Variants in PELI2 observed in about 807,000 individuals in gnomAD.
PELI2 encodes the protein E3 ubiquitin-protein ligase pellino homolog 2.
A neutral mutation model predicts 42.3 loss-of-function variants in PELI2; 23 were observed. The observed-to-expected ratio is 0.54, with a 90% CI of 0.39 to 0.77. The LOEUF is 0.77. Ranked by LOEUF, PELI2 falls within the 30% of genes least tolerant of loss-of-function variation. The pLI, the probability that PELI2 is intolerant of heterozygous loss-of-function variation, is 0.00. For synonymous variants in PELI2, 245 were observed against 212.2 expected, an observed-to-expected ratio of 1.15 and a Z score of -1.34; for missense variants, 463 against 553.2, an observed-to-expected ratio of 0.84 and a Z score of 1.64.
At chr14:56,181,947 C>T (rs962296103) in intron 2 of PELI2, among the ~76,000 whole-genome samples, 1 of 152,216 alleles carries the variant, frequency 6.6e-6, no homozygotes, top group South Asian at 2.1e-4. Flanking sequence ...AATTTATTCA[C>T]CCATCCATTT....
chr14:56,152,301 TG>T (rs1485759729), intron 1 of PELI2, among the ~76,000 whole-genome samples: 1 of 152,144 alleles, frequency 6.6e-6, no homozygotes, highest in Non-Finnish European at 1.5e-5. Flanking sequence ...ATTCATAAAA[TG>T]GGGGTAATAG....
In PELI2 at chr14:56,284,335, TA is replaced by T. The variant is rs374150566; in HGVS notation, c.310-4101del. Among the ~76,000 whole-genome samples, 652 of 151,514 alleles carry T rather than the reference TA, an allele frequency of 4.3e-3. 5 individuals are homozygous for T. Among genetic ancestry groups the T allele is most frequent in the African/African-American group, 0.015 (603 of 41,280 alleles). On this transcript the variant is annotated intron_variant, in intron 3 of 5. Coordinates refer to ENST00000267460, the MANE Select transcript of PELI2 (RefSeq NM_021255.3). ...AGAAAGTGAAACATAAAAGAGAAAATAGTTAATGGAAGGAATTAGAGGGGTG... is the reference window on the plus strand; with the variant it reads ...AGAAAGTGAAACATAAAAGAGAAAATGTTAATGGAAGGAATTAGAGGGGTG...
chr14:56,119,829 A>G (rs1279265534), intron 1 of PELI2: 1 of 985,146 alleles, frequency 1.0e-6, no homozygotes, highest in Non-Finnish European at 1.2e-6. Flanking sequence ...CTGCGTTGAA[A>G]GACCTGTATT....
chr14:56,193,364 GACAAGAATTT>G (rs1186116025), intron 2 of PELI2, among the ~76,000 whole-genome samples: 1 of 152,090 alleles, frequency 6.6e-6, no homozygotes, highest in Non-Finnish European at 1.5e-5. Flanking sequence ...TATCTGATTT[GACAAGAATTT>G]ATTTTGCTAA....
At position 56,249,522 on chromosome 14, in the gene PELI2, C is replaced by T. The variant is rs570155906; in HGVS notation, c.208-30154C>T. ...CCAAGGTGCAGTCAGTTTAATTCAACGGATATTTCTGGGACTATTAGGTGC... is the reference window on the plus strand; with the variant it reads ...CCAAGGTGCAGTCAGTTTAATTCAATGGATATTTCTGGGACTATTAGGTGC... On this transcript the variant is annotated intron_variant, in intron 2 of 5. Transcript: ENST00000267460. Among the ~76,000 whole-genome samples, 24 of 152,276 alleles carry T rather than the reference C, an allele frequency of 1.6e-4. No homozygotes were observed. The South Asian group carries it at 4.6e-3, about 29-fold the overall frequency.
chr14:56,273,204 C>G lies in PELI2; in HGVS notation c.208-6472C>G, dbSNP rs1889163540. 6.6e-6 allele frequency among the ~76,000 whole-genome samples: 1 copy of G among 152,198 alleles called. No individual in the cohort carries two copies. Among genetic ancestry groups the G allele is most frequent in the Non-Finnish European group, 1.5e-5 (1 of 68,030 alleles). On this transcript the variant is annotated intron_variant, in intron 2 of 5. Coordinates refer to ENST00000267460, the MANE Select transcript of PELI2 (RefSeq NM_021255.3). The surrounding 1 kb of genome is among the most constrained non-coding windows in gnomAD (Gnocchi z 4.3). ...TTGGTGCTCCCAGGCCTCCCTATCC[C>G]CATGTGGCATTTCATTCTCCAGGCC...
chr14:56,270,628 A>T (rs1186552071), intron 2 of PELI2, among the ~76,000 whole-genome samples: 1 of 152,228 alleles, frequency 6.6e-6, no homozygotes, highest in Non-Finnish European at 1.5e-5. Context: ...GGTCCAAAAA[A>T]ATGTTATGGA....
At position 56,288,464 on chromosome 14, in the gene PELI2, G is replaced by A. The variant is rs1331624995; in HGVS notation, c.337G>A (p.Asp113Asn). 2 of 1,613,850 alleles carry A rather than the reference G, an allele frequency of 1.2e-6. No individual in the cohort carries two copies. Among genetic ancestry groups the A allele is most frequent in the Non-Finnish European group, 1.7e-6 (2 of 1,179,968 alleles). The part of the protein sequence containing the change: ...QVGRSTESPI[D>N]FVVTDTISGS... Reference sequence around the variant, plus strand: ...GGGCAGATCAACAGAAAGCCCTATCGACTTCGTTGTCACAGACACGATTTC... The same window carrying A: ...GGGCAGATCAACAGAAAGCCCTATCAACTTCGTTGTCACAGACACGATTTC... Residue 113 changes from aspartate to asparagine, a missense_variant, in exon 4 of 6, where the codon GAC (aspartate) becomes AAC (asparagine). Around this residue, in one of 3 missense-constraint regions of PELI2, gnomAD observed 343 missense variants for 378.4 expected, o/e 0.91. Coordinates refer to ENST00000267460, the MANE Select transcript of PELI2 (RefSeq NM_021255.3). This position sits in a 1 kb window ranked among gnomAD's most constrained non-coding sequence, Gnocchi z 4.6.
At chr14:56,139,366 C>G (rs1883814824) in intron 1 of PELI2, among the ~76,000 whole-genome samples, 1 of 152,082 alleles carries the variant, frequency 6.6e-6, no homozygotes, top group Non-Finnish European at 1.5e-5. Context: ...AGTTATGAAA[C>G]TATGAAAATT....
rs1042023450 is a variant in PELI2 at position 56,253,227 on chromosome 14, A to G, written c.208-26449A>G. Among the ~76,000 whole-genome samples the G allele has an allele frequency of 3.3e-5, 5 of 152,320 alleles. No individual in the cohort carries two copies. In the South Asian group the frequency reaches 1.0e-3, roughly 32 times the overall value. On this transcript the variant is annotated intron_variant, in intron 2 of 5. Coordinates refer to ENST00000267460, the MANE Select transcript of PELI2 (RefSeq NM_021255.3). ...AAAATAATAAGAGCTGTTTATGACAAACCCACAGCCAATATCACACTGAAT... is the reference window on the plus strand; with the variant it reads ...AAAATAATAAGAGCTGTTTATGACAGACCCACAGCCAATATCACACTGAAT...
intron 1 of PELI2, among the ~76,000 whole-genome samples, chr14:56,135,982 G>T (rs2139595576): frequency 6.6e-6 from 1 of 152,168 alleles, no homozygotes; most frequent in South Asian, 2.1e-4. Context: ...TGATGGATGA[G>T]GCTTACCTCG....
chr14:56,262,577 T>C (rs1888748237), intron 2 of PELI2, among the ~76,000 whole-genome samples: 2 of 152,248 alleles, frequency 1.3e-5, no homozygotes, highest in South Asian at 2.1e-4. Context: ...AATAATTCTT[T>C]ACCATAGATA....
chr14:56,285,912 T>C (rs1433978183), intron 3 of PELI2, among the ~76,000 whole-genome samples: 1 of 152,184 alleles, frequency 6.6e-6, no homozygotes. Flanking sequence ...GCACTCCCTC[T>C]GCCCAGCAGT....
intron 1 of PELI2, among the ~76,000 whole-genome samples, chr14:56,141,763 G>A (rs1412003935): frequency 6.6e-6 from 1 of 152,284 alleles, no homozygotes; most frequent in Non-Finnish European, 1.5e-5. Flanking sequence ...CCAAGATTCA[G>A]TTATCTCCAC....
chr14:56,208,453 G>A (rs1321525152), intron 2 of PELI2, among the ~76,000 whole-genome samples: 1 of 152,192 alleles, frequency 6.6e-6, no homozygotes, highest in Non-Finnish European at 1.5e-5. Flanking sequence ...TGGGGGTCCT[G>A]CAATACGATT....
rs553664783 is a variant in PELI2, at chr14:56,227,551, C to T, written c.207+49087C>T. Among the ~76,000 whole-genome samples, 259 of 152,288 alleles carry T rather than the reference C, an allele frequency of 1.7e-3. 1 individual carries two copies. The highest frequency in any genetic ancestry group is 2.7e-3 in the Non-Finnish European group (185 of 68,024). Reference sequence around the variant, plus strand: ...TGGTATGAGTTCATGGATTTCAGTACGTGCAGACATAGAAATAAGTATAGA... The same window carrying T: ...TGGTATGAGTTCATGGATTTCAGTATGTGCAGACATAGAAATAAGTATAGA... On this transcript the variant is annotated intron_variant, in intron 2 of 5. Coordinates refer to ENST00000267460, the MANE Select transcript of PELI2 (RefSeq NM_021255.3).
At chr14:56,204,879 A>G (rs1268916071) in intron 2 of PELI2, among the ~76,000 whole-genome samples, 1 of 151,954 alleles carries the variant, frequency 6.6e-6, no homozygotes, top group Non-Finnish European at 1.5e-5. Context: ...AAAATACAAA[A>G]AAGTAGCCAG....
In PELI2 at chr14:56,296,511, T is replaced by C; in HGVS notation, c.697-89T>C. On this transcript the variant is annotated intron_variant, in intron 5 of 5. Coordinates refer to ENST00000267460, the MANE Select transcript of PELI2 (RefSeq NM_021255.3). ...ATTGCTTCCCTGTGTTATCTTCAAA[T>C]ATTTTTTTGCTTGTTCTGAGAGGAA... 4.5e-6 allele frequency: 4 copies of C among 882,964 alleles called. No individual in the cohort carries two copies. In the South Asian group the frequency reaches 6.6e-5, roughly 15 times the overall value. The allele number at this position is 882,964 out of a possible 1,614,324, so 54.7% of individuals were successfully genotyped here. A position where few individuals can be genotyped will look rare whatever the true frequency, so the allele number is the denominator to read the frequency against.
chr14:56,298,141 CAAT>C lies in PELI2; in HGVS notation c.*976_*978del, dbSNP rs1481922313. 1.3e-5 allele frequency: 2 copies of C among 152,140 alleles called. No individual in the cohort carries two copies. The highest frequency in any genetic ancestry group is 2.4e-5 in the African/African-American group (1 of 41,266). The allele number at this position is 152,140 out of a possible 1,614,324, so 9.4% of individuals were successfully genotyped here. On this transcript the variant is annotated 3_prime_UTR_variant, in exon 6 of 6. Coordinates refer to ENST00000267460, the MANE Select transcript of PELI2 (RefSeq NM_021255.3). Reference sequence around the variant, plus strand: ...CTTTGTTAAGAAAGCCAACCAATCACAATGATATAGTCATTGTTGTGCACTCCC... The same window carrying C: ...CTTTGTTAAGAAAGCCAACCAATCACGATATAGTCATTGTTGTGCACTCCC...
Sources: gnomAD v4.1 joint callset for allele counts (sites outside exome capture counted in the v4.1 genomes callset) on GRCh38, gnomAD v4.1.1 for gene constraint, gnomAD v4.1.1 regional missense constraint, Gnocchi (gnomAD v3.1) non-coding constraint, MANE v1.5 for transcripts, NCBI Gene and HGNC (gene_info 2026-07-23, HGNC 2026-07-21) for gene names.